XPC: variants seen among roughly 807,000 people sequenced by gnomAD.
XPC encodes the protein XPC complex subunit, DNA damage recognition and repair factor.
In XPC, 76 loss-of-function variants were observed where a neutral mutation model predicts 95.8. That is an observed-to-expected ratio of 0.79 (90% confidence interval 0.66 to 0.96). The LOEUF (loss-of-function observed/expected upper bound fraction) is 0.96. Among genes scored for constraint, XPC ranks in the 40% least tolerant of loss-of-function variants. The probability of loss-of-function intolerance (pLI) is 0.00; values close to 1 mark genes in which losing one functional copy is unlikely to be tolerated. For synonymous variants in XPC, 442 were observed against 442.1 expected (o/e 1.00, Z 0.00); for missense variants, 1,146 against 1,179.8 (o/e 0.97, Z 0.42).
In XPC at chr3:14,152,429, C is replaced by T. The variant is rs750034639; in HGVS notation, c.2034-13G>A. ...GTGCACACAATCCCTGTGGAACCAACACAGGACACAAAGGTAACTCAGTCC... is the reference window on the plus strand; with the variant it reads ...GTGCACACAATCCCTGTGGAACCAATACAGGACACAAAGGTAACTCAGTCC... On this transcript the variant is annotated splice_polypyrimidine_tract_variant and intron_variant, in intron 10 of 15. Transcript: ENST00000285021. The T allele has an allele frequency of 1.9e-6, 3 of 1,606,168 alleles. No individual in the cohort carries two copies. Among genetic ancestry groups the T allele is most frequent in the South Asian group, 1.1e-5 (1 of 89,226 alleles).
At chr3:14,146,379 G>A (rs1279451065) in intron 15 of XPC, among the ~76,000 whole-genome samples, 3 of 152,096 alleles carry the variant, frequency 2.0e-5, no homozygotes, top group Non-Finnish European at 2.9e-5. Context: ...GCTACGAGCT[G>A]AGTGCAGGGG....
intron 3 of XPC, among the ~76,000 whole-genome samples, chr3:14,169,217 G>A (rs1226549142): frequency 1.3e-5 from 2 of 152,164 alleles, no homozygotes; most frequent in African/African-American, 4.8e-5. Context: ...GACTAGAAGA[G>A]GAACAACCTG....
In XPC at chr3:14,158,674, C is replaced by T. The variant is rs1039723722; in HGVS notation, c.1209G>A (p.Glu403=). 2.4e-5 allele frequency: 39 copies of T among 1,613,770 alleles called. No individual in the cohort carries two copies. Among genetic ancestry groups the T allele is most frequent in the East Asian group, 2.0e-4 (9 of 44,838 alleles). ...RSKPSSSEED[E]GPGDKQEKAT... ...CCTTCTCCTGCTTGTCTCCTGGGCC[C>T]TCATCTTCCTCGCTGGAGGAGGGCT... Residue 403 remains glutamate (E), a synonymous_variant, in exon 9 of 16, where the codon GAG becomes GAA. Transcript: ENST00000285021. This position sits in a 1 kb window ranked among gnomAD's most constrained non-coding sequence, Gnocchi z 5.2.
intron 4 of XPC, 64 bp from the exon 5 acceptor site, chr3:14,167,317 A>C (rs1255748726): frequency 6.5e-6 from 9 of 1,393,814 alleles, no homozygotes; most frequent in Non-Finnish European, 8.9e-6. Flanking sequence ...CCACTCCCCC[A>C]GGCAATTCCT....
chr3:14,171,661 C>T (rs551811174), intron 2 of XPC, among the ~76,000 whole-genome samples: 21 of 152,278 alleles, frequency 1.4e-4, no homozygotes, highest in African/African-American at 4.6e-4. Flanking sequence ...CATGGTGGAA[C>T]CCTGTTTCTA....
In XPC at chr3:14,170,494, T is replaced by C. The variant is rs1030223497; in HGVS notation, c.356A>G (p.Asn119Ser). The C allele has an allele frequency of 1.2e-5, 20 of 1,613,758 alleles. No individual in the cohort carries two copies. The highest frequency in any genetic ancestry group is 1.6e-5 in the Non-Finnish European group (19 of 1,179,788). The change falls in exon 3 of 16, where the codon AAT (asparagine) becomes AGT (serine). Residue 119 changes from asparagine to serine, a missense_variant. Transcript: ENST00000285021. Reference sequence around the variant, plus strand: ...TTCCTCTTCTTCATTGCTGTCTTCATTCATGGTAGCCCCTCTCTTCAGATG... The same window carrying C: ...TTCCTCTTCTTCATTGCTGTCTTCACTCATGGTAGCCCCTCTCTTCAGATG... The part of the protein sequence containing the change: ...AHHLKRGATM[N>S]EDSNEEEEES...
In XPC at chr3:14,147,306, C is replaced by G. The variant is rs375748534; in HGVS notation, c.2588G>C (p.Arg863Pro). The G allele has an allele frequency of 6.8e-6, 11 of 1,611,102 alleles. No homozygotes were observed. The highest frequency in any genetic ancestry group is 1.3e-5 in the African/African-American group (1 of 74,872). Residue 863 changes from arginine to proline, a missense_variant, in exon 15 of 16, where the codon CGT (arginine) becomes CCT (proline). Coordinates refer to ENST00000285021, the MANE Select transcript of XPC (RefSeq NM_004628.5). ...KGLLIRERLKRRYGPKSEAAA... is the reference protein window; with the variant it reads ...KGLLIRERLKPRYGPKSEAAA... ...TGCACTGACCTTGGGCCCGTAGCGA[C>G]GCTTCAGCCTCTCCCTGATGAGCAG... is the stretch of plus-strand genomic sequence containing the variant.
chr3:14,148,856 C>T lies in XPC; in HGVS notation c.2208G>A (p.Trp736Ter), dbSNP rs1353765329. 6.2e-7 allele frequency: 1 copy of T among 1,614,050 alleles called. No homozygotes were observed. The highest frequency in any genetic ancestry group is 1.7e-5 in the Admixed American group (1 of 60,024). The stretch of plus-strand genomic sequence containing the variant: ...CTGGGGGCTGATACTCCTCTGTCTG[C>T]CAGTAGCCAAACAGGCCCAGGTCAT... ...EENDLGLFGY[W>*]QTEEYQPPVA... is the part of the protein sequence containing the mutation. Residue 736 changes from tryptophan (W) to a stop codon, truncating the protein, a stop_gained, in exon 12 of 16, where the codon TGG becomes TGA. Transcript: ENST00000285021. LOFTEE classifies it high-confidence loss of function.
intron 14 of XPC, chr3:14,147,581 A>G: frequency 1.6e-6 from 1 of 626,124 alleles, no homozygotes; most frequent in Non-Finnish European, 2.7e-6. Context: ...AAAACAGATA[A>G]CTTTTTAATC....
intron 1 of XPC, among the ~76,000 whole-genome samples, chr3:14,177,582 G>C (rs1200248777): frequency 6.6e-6 from 1 of 151,994 alleles, no homozygotes; most frequent in Admixed American, 6.6e-5. Context: ...CAAGTGGTAA[G>C]AGAAACAGGA....
intron 10 of XPC, 98 bp downstream of exon 10, chr3:14,156,237 G>A: frequency 6.9e-7 from 1 of 1,457,108 alleles, no homozygotes; most frequent in Non-Finnish European, 9.3e-7. Context: ...ATGCTGTCCA[G>A]TCAGATGAGC....
intron 1 of XPC, among the ~76,000 whole-genome samples, chr3:14,174,401 G>A (rs1247060292): frequency 2.0e-5 from 3 of 152,124 alleles, no homozygotes; most frequent in African/African-American, 4.8e-5. Flanking sequence ...CTAATAATAG[G>A]CAAAGATGCT....
chr3:14,145,946 G>T lies in XPC; in HGVS notation c.2818C>A (p.Leu940Met), dbSNP rs1335302338. ...AASHLFPFEQL is the reference protein window; with the variant it reads ...AASHLFPFEQM The stretch of plus-strand genomic sequence containing the variant: ...CCCTCTAGTGGGCGCTCAGCTCACA[G>T]CTGCTCAAATGGGAACAGGTGGGAA... The change falls in exon 16 of 16, where the codon CTG (leucine) becomes ATG (methionine). Residue 940 changes from leucine (L) to methionine (M), a missense_variant. Physicochemically the swap from Leu to Met is conservative, Grantham distance 15. Coordinates refer to ENST00000285021, the MANE Select transcript of XPC (RefSeq NM_004628.5). The T allele has an allele frequency of 1.2e-6, 2 of 1,604,972 alleles. No individual in the cohort carries two copies. Among genetic ancestry groups the T allele is most frequent in the East Asian group, 4.5e-5 (2 of 44,602 alleles).
At position 14,155,853 on chromosome 3, in the gene XPC, C is replaced by T. The variant is rs141643152; in HGVS notation, c.2033+482G>A. Among the ~76,000 whole-genome samples, 1,021 of 152,252 alleles carry T rather than the reference C, an allele frequency of 6.7e-3. 17 individuals are homozygous for T. The highest frequency in any genetic ancestry group is 0.024 in the African/African-American group (984 of 41,540). ...GATTACAAGCGTGAGCCACCGCGCC[C>T]GGCCCATTTTAACCATTTTTAAGTG... On this transcript the variant is annotated intron_variant, in intron 10 of 15. Coordinates refer to ENST00000285021, the MANE Select transcript of XPC (RefSeq NM_004628.5).
At chr3:14,176,607 G>T (rs1264038517) in intron 1 of XPC, among the ~76,000 whole-genome samples, 2 of 152,160 alleles carry the variant, frequency 1.3e-5, no homozygotes, top group Non-Finnish European at 2.9e-5. Context: ...AATGGAACTC[G>T]TAATATTACA....
chr3:14,170,748 T>C, intron 2 of XPC, 198 bp from the exon 3 acceptor site: 1 of 425,576 alleles, frequency 2.3e-6, no homozygotes, highest in East Asian at 3.5e-5. Flanking sequence ...TCTGATCATC[T>C]GTCTAATTAC....
At chr3:14,154,674 T>G (rs1695830318) in intron 10 of XPC, among the ~76,000 whole-genome samples, 2 of 151,636 alleles carry the variant, frequency 1.3e-5, no homozygotes, top group South Asian at 4.2e-4. Context: ...GGGACGGAGT[T>G]TTGGTTTGGG....
rs752154254 is a variant in XPC, at chr3:14,148,011, C to T, written c.2421-10G>A. On this transcript the variant is annotated splice_polypyrimidine_tract_variant and intron_variant, in intron 13 of 15. Coordinates refer to ENST00000285021, the MANE Select transcript of XPC (RefSeq NM_004628.5). ...GATGTATCCATCAGTCCTGTGGGGA[C>T]ACAACGCGATGTCAACCCTCGAACC... 16 of 1,566,440 alleles carry T rather than the reference C, an allele frequency of 1.0e-5. No individual in the cohort carries two copies. Among genetic ancestry groups the T allele is most frequent in the East Asian group, 4.6e-5 (2 of 43,134 alleles).
Position 14,146,517 on chromosome 3 carries a change from G to A in XPC, c.2605-358C>T, listed in dbSNP as rs370429579. On this transcript the variant is annotated intron_variant, in intron 15 of 15. Transcript: ENST00000285021. ...GACCAAAGCACATGATGTCTTGAAC[G>A]GGCAAGATGCACAGTTCAGCCCTCG... is the stretch of plus-strand genomic sequence containing the variant. Among the ~76,000 whole-genome samples, 7 of 152,260 alleles carry A rather than the reference G, an allele frequency of 4.6e-5. No homozygotes were observed. In the East Asian group the frequency reaches 7.7e-4, roughly 17 times the overall value.
Sources: gnomAD v4.1 joint callset for allele counts (sites outside exome capture counted in the v4.1 genomes callset) on GRCh38, gnomAD v4.1.1 for gene constraint, Gnocchi (gnomAD v3.1) non-coding constraint, MANE v1.5 for transcripts, NCBI Gene and HGNC (gene_info 2026-07-23, HGNC 2026-07-21) for gene names.